The following ATG12 variants were observed in gnomAD, a reference collection of about 807,000 sequenced individuals.
ATG12 encodes the protein ubiquitin-like protein ATG12.
A neutral mutation model predicts 17.6 loss-of-function variants in ATG12; 19 were observed. The observed-to-expected ratio is 1.08, with a 90% confidence interval of 0.75 to 1.58. The LOEUF is 1.58. Ranked by LOEUF, ATG12 falls within the 40% of genes most tolerant of loss-of-function variation. ATG12 has a pLI of 0.00. For synonymous variants in ATG12, 75 were observed against 62.4 expected (o/e 1.20, Z -0.95); for missense variants, 214 against 162.0 (o/e 1.32, Z -1.74).
At chr5:115,836,603 T>C (rs1441129019) in intron 2 of ATG12, among the ~76,000 whole-genome samples, 1 of 152,200 alleles carries the variant, frequency 6.6e-6, no homozygotes, top group Admixed American at 6.5e-5. Flanking sequence ...TCACTTGTTT[T>C]ACCCATGCAC....
chr5:115,841,218 T>G, intron 1 of ATG12, 172 bp downstream of exon 1: 1 of 801,932 alleles, frequency 1.2e-6, no homozygotes. Flanking sequence ...ATTTTAACAC[T>G]CAACTTAAAG....
intron 3 of ATG12, 113 bp from the exon 4 acceptor site, chr5:115,831,976 C>T: frequency 3.2e-6 from 3 of 949,306 alleles, no homozygotes; most frequent in South Asian, 3.0e-5. Context: ...ATTAAGTTAC[C>T]TATGTTACAG....
At position 115,831,493 on chromosome 5, in the gene ATG12, A is replaced by T. The variant is rs1760867732; in HGVS notation, c.*311T>A. 2.7e-6 allele frequency: 1 copy of T among 367,764 alleles called. No individual in the cohort carries two copies. Among genetic ancestry groups the T allele is most frequent in the Non-Finnish European group, 4.9e-6 (1 of 205,254 alleles). 22.8% of individuals were successfully genotyped at this position (367,764 alleles called of 1,614,324 possible). On this transcript the variant is annotated 3_prime_UTR_variant, in exon 4 of 4. Coordinates refer to ENST00000509910, the MANE Select transcript of ATG12 (RefSeq NM_004707.4). Reference sequence around the variant, plus strand: ...AATTTCAGTCATTTTGAGAACTGACAATGAAGATGTTTATACAGTCTTAGT... The same window carrying T: ...AATTTCAGTCATTTTGAGAACTGACTATGAAGATGTTTATACAGTCTTAGT...
At chr5:115,832,498 TA>T (rs1179077182) in intron 3 of ATG12, 103 bp downstream of exon 3, 8 of 1,237,446 alleles carry the variant, frequency 6.5e-6, no homozygotes, top group Non-Finnish European at 8.4e-6. Flanking sequence ...AAATGTGAAT[TA>T]ACAATACTAC....
At position 115,841,389 on chromosome 5, in the gene ATG12, C is replaced by CT. The variant is rs1227450075; in HGVS notation, c.163dup (p.Ile55AsnfsTer2). ...CTCTGCCCGGAAATAAATTCAGTTA[C>CT]TTTTTTTCTTGGTGTCGCCAGCAGG... On this transcript the variant is annotated frameshift_variant and splice_region_variant. Transcript: ENST00000509910. LOFTEE classifies it high-confidence loss of function. The CT allele has an allele frequency of 6.2e-7, 1 of 1,611,702 alleles. No individual in the cohort carries two copies. The highest frequency in any genetic ancestry group is 2.2e-5 in the East Asian group (1 of 44,864).
intron 2 of ATG12, 37 bp from the exon 3 acceptor site, chr5:115,832,701 G>A: frequency 6.8e-7 from 1 of 1,469,982 alleles, no homozygotes; most frequent in Middle Eastern, 1.8e-4. Context: ...ATGTTTAATG[G>A]TATCCTGATT....
intron 1 of ATG12, 107 bp downstream of exon 1, chr5:115,841,283 G>A (rs1761454008): frequency 6.9e-7 from 1 of 1,444,454 alleles, no homozygotes; most frequent in South Asian, 1.2e-5. Context: ...TCAAAATGCA[G>A]GTCTAGGACA....
Position 115,841,539 on chromosome 5 carries a change from G to A in ATG12, c.14C>T (p.Pro5Leu), listed in dbSNP as rs749744688. Residue 5 changes from proline to leucine, a missense_variant, in exon 1 of 4, where the codon CCG becomes CTG. Pro to Leu is a moderately conservative substitution (Grantham distance 98). Transcript: ENST00000509910. MAEEPQSVLQLPTSI... is the reference protein window; with the variant it reads MAEELQSVLQLPTSI... ...AGTAGGAAGCTGCAACACAGACTGC[G>A]GCTCCTCCGCCATCTTGCTTGGAGA... The A allele has an allele frequency of 1.5e-5, 25 of 1,613,624 alleles. No individual in the cohort carries two copies. The East Asian group carries it at 3.6e-4, about 23-fold the overall frequency.
chr5:115,840,266 A>C (rs1761314055), intron 1 of ATG12, among the ~76,000 whole-genome samples: 1 of 152,032 alleles, frequency 6.6e-6, no homozygotes, highest in Non-Finnish European at 1.5e-5. Context: ...ACAGTAGCAG[A>C]AGTTGAAGAA....
intron 1 of ATG12, chr5:115,840,380 C>T (rs139575312): frequency 0.025 from 4,777 of 191,404 alleles, 268 homozygotes; most frequent in African/African-American, 0.11. Context: ...CCACTGCCAC[C>T]TCCGCCTCGC....
chr5:115,833,819 G>C (rs1168859719), intron 2 of ATG12: 1 of 152,162 alleles, frequency 6.6e-6, no homozygotes, highest in Non-Finnish European at 1.5e-5. Flanking sequence ...TTTGTGTTCA[G>C]TGCCTGACAA....
chr5:115,839,548 T>C (rs1761241822), intron 1 of ATG12: 1 of 152,206 alleles, frequency 6.6e-6, no homozygotes, highest in South Asian at 2.1e-4. Flanking sequence ...GGATGAAGTG[T>C]AAGACAGTGA....
chr5:115,834,741 G>A (rs1761020699), intron 2 of ATG12, among the ~76,000 whole-genome samples: 1 of 152,124 alleles, frequency 6.6e-6, no homozygotes, highest in Admixed American at 6.5e-5. Context: ...CATCTTTGCT[G>A]TCAAAGTTTG....
At position 115,830,173 on chromosome 5, in the gene ATG12, G is replaced by C. The variant is rs1169452351; in HGVS notation, c.*1631C>G. ...AAAGTCCTATGTATTCTTCAGAGTT[G>C]TTAGGAAAGAAAACAAATAAGGTTA... On this transcript the variant is annotated 3_prime_UTR_variant, in exon 4 of 4. Transcript: ENST00000509910. The C allele has an allele frequency of 1.4e-5, 2 of 146,594 alleles. No individual in the cohort carries two copies. The highest frequency in any genetic ancestry group is 6.8e-5 in the Admixed American group (1 of 14,656). The allele number at this position is 146,594 out of a possible 1,614,324, so 9.1% of individuals were successfully genotyped here.
intron 1 of ATG12, chr5:115,840,918 A>C (rs773204431): frequency 7.8e-7 from 1 of 1,286,034 alleles, no homozygotes; most frequent in South Asian, 1.2e-5. Context: ...TGGTTTAAGG[A>C]GTGAATTCAC....
At chr5:115,840,296 CTTTTTTTTTT>C (rs544937852) in intron 1 of ATG12, among the ~76,000 whole-genome samples, 1 of 135,056 alleles carries the variant, frequency 7.4e-6, no homozygotes, top group African/African-American at 2.7e-5. Flanking sequence ...AGACCAATGT[CTTTTTTTTTT>C]TTTTTTTTGA....
At position 115,829,101 on chromosome 5, in the gene ATG12, T is replaced by C. The variant is rs1760758053; in HGVS notation, c.*2703A>G. On this transcript the variant is annotated 3_prime_UTR_variant, in exon 4 of 4. Coordinates refer to ENST00000509910, the MANE Select transcript of ATG12 (RefSeq NM_004707.4). ...GCAGAGTATTTATATAAATACGATTTGAACTGTATTCAAATAGTAGTATTT... is the reference window on the plus strand; with the variant it reads ...GCAGAGTATTTATATAAATACGATTCGAACTGTATTCAAATAGTAGTATTT... The C allele has an allele frequency of 1.3e-5, 2 of 152,230 alleles. No homozygotes were observed. The highest frequency in any genetic ancestry group is 4.8e-5 in the African/African-American group (2 of 41,460). 9.4% of individuals were successfully genotyped at this position (152,230 alleles called of 1,614,324 possible). A position where few individuals can be genotyped will look rare whatever the true frequency, so the allele number is the denominator to read the frequency against.
intron 2 of ATG12, among the ~76,000 whole-genome samples, chr5:115,835,703 G>A (rs1159958117): frequency 6.6e-6 from 1 of 152,098 alleles, no homozygotes; most frequent in African/African-American, 2.4e-5. Context: ...TTCTTAAATT[G>A]GCTCACTTTA....
At chr5:115,835,818 C>CA (rs1163869407) in intron 2 of ATG12, among the ~76,000 whole-genome samples, 3 of 152,172 alleles carry the variant, frequency 2.0e-5, no homozygotes, top group Non-Finnish European at 4.4e-5. Context: ...ATGCTGATAC[C>CA]ATGCAGGTCC....
Sources: gnomAD v4.1 joint callset for allele counts (sites outside exome capture counted in the v4.1 genomes callset) on GRCh38, gnomAD v4.1.1 for gene constraint, MANE v1.5 for transcripts, NCBI Gene and HGNC (gene_info 2026-07-23, HGNC 2026-07-21) for gene names.